Variants in KCNH1 observed in about 807,000 individuals in gnomAD.
The protein encoded by KCNH1 is potassium voltage-gated channel subfamily H member 1, also known as voltage-gated delayed rectifier potassium channel KCNH1.
A neutral mutation model predicts 69.2 loss-of-function variants in KCNH1; 27 were observed. The ratio of observed to expected loss-of-function variants is 0.39; its 90% confidence interval spans 0.29 to 0.54. The LOEUF is 0.54. Ranked by LOEUF, KCNH1 falls within the 20% of genes least tolerant of loss-of-function variation. The pLI is 0.68. For missense variants in KCNH1, 798 were observed against 1,261.6 expected (o/e 0.63, Z 5.57); for synonymous variants, 456 against 487.7 (o/e 0.93, Z 0.86).
chr1:211,071,545 TATGCAGTTATG>T lies in KCNH1; in HGVS notation c.558+11224_558+11234del, dbSNP rs148792085. ...GTAAAGTGTATACTTTAGTTCATGTTATGCAGTTATGATTTAATACTGCATCTTTACGTCTG... is the reference window on the plus strand; with the variant it reads ...GTAAAGTGTATACTTTAGTTCATGTTATTTAATACTGCATCTTTACGTCTG... On this transcript the variant is annotated intron_variant, in intron 5 of 10. Coordinates refer to ENST00000271751, the MANE Select transcript of KCNH1 (RefSeq NM_172362.3). Among the ~76,000 whole-genome samples the T allele has an allele frequency of 8.3e-3, 1,268 of 152,358 alleles. 13 individuals are homozygous for T. The highest frequency in any genetic ancestry group is 0.028 in the African/African-American group (1,180 of 41,586).
At chr1:210,960,743 C>T (rs761309083) in intron 6 of KCNH1, among the ~76,000 whole-genome samples, 2 of 152,114 alleles carry the variant, frequency 1.3e-5, no homozygotes, top group Non-Finnish European at 2.9e-5. Flanking sequence ...TATATAGTCA[C>T]ATGCTATATT....
chr1:210,935,037 A>G (rs1056017557), intron 6 of KCNH1, among the ~76,000 whole-genome samples: 5 of 151,596 alleles, frequency 3.3e-5, no homozygotes, highest in African/African-American at 4.8e-5. Flanking sequence ...AGCTGCACTC[A>G]TGTTTACTAT....
intron 10 of KCNH1, among the ~76,000 whole-genome samples, chr1:210,747,780 T>A (rs1369366367): frequency 6.6e-6 from 1 of 152,234 alleles, no homozygotes; most frequent in Admixed American, 6.5e-5. Flanking sequence ...TTTCATTAGT[T>A]CTAATTTGGC....
chr1:210,846,535 A>G (rs1200318031), intron 7 of KCNH1, among the ~76,000 whole-genome samples: 2 of 152,218 alleles, frequency 1.3e-5, no homozygotes, highest in Admixed American at 6.5e-5. Flanking sequence ...ATATGTAGAA[A>G]GCTGAAACTG....
chr1:210,910,009 C>T (rs945349881), intron 7 of KCNH1, among the ~76,000 whole-genome samples: 2 of 152,128 alleles, frequency 1.3e-5, no homozygotes, highest in South Asian at 4.1e-4. Context: ...AAATTTTCAT[C>T]AAATTGGCCT....
chr1:211,128,263 A>G (rs1342129868), intron 1 of KCNH1, among the ~76,000 whole-genome samples: 2 of 150,002 alleles, frequency 1.3e-5, no homozygotes. Flanking sequence ...CACTCCAGCG[A>G]CAAAGTGAGA....
chr1:211,024,942 G>A (rs1196648132), intron 5 of KCNH1, among the ~76,000 whole-genome samples: 1 of 152,116 alleles, frequency 6.6e-6, no homozygotes, highest in African/African-American at 2.4e-5. Context: ...AGCAAGAGAT[G>A]GTGACAGGAT....
chr1:210,910,490 G>A (rs908320865), intron 7 of KCNH1, among the ~76,000 whole-genome samples: 4 of 152,234 alleles, frequency 2.6e-5, no homozygotes, highest in Non-Finnish European at 5.9e-5. Context: ...TTGGCAACAA[G>A]GGGTTGTGGC....
At chr1:211,066,824 C>G (rs545379438) in intron 5 of KCNH1, among the ~76,000 whole-genome samples, 6 of 152,306 alleles carry the variant, frequency 3.9e-5, no homozygotes, top group Admixed American at 2.0e-4. Context: ...GAGGGGAAAA[C>G]TGCAGAACAT....
intron 10 of KCNH1, among the ~76,000 whole-genome samples, chr1:210,737,816 G>GACCAACCA (rs1477857070): frequency 6.6e-6 from 1 of 152,198 alleles, no homozygotes; most frequent in African/African-American, 2.4e-5. Context: ...TACCAACTTA[G>GACCAACCA]ACTAAGTCAC....
intron 7 of KCNH1, among the ~76,000 whole-genome samples, chr1:210,872,085 T>C (rs565610987): frequency 1.6e-5 from 2 of 125,112 alleles, no homozygotes; most frequent in South Asian, 4.9e-4. Context: ...AATATATACA[T>C]AATATGATCT....
chr1:211,084,475 C>T (rs1348790616), intron 4 of KCNH1, among the ~76,000 whole-genome samples: 1 of 152,182 alleles, frequency 6.6e-6, no homozygotes. Flanking sequence ...TGGTTCATCA[C>T]CTGATATAAC....
chr1:210,961,190 G>A (rs1688286061), intron 6 of KCNH1, among the ~76,000 whole-genome samples: 2 of 151,462 alleles, frequency 1.3e-5, no homozygotes, highest in South Asian at 4.1e-4. Flanking sequence ...TTGTCTTATT[G>A]AGTTTTAAGA....
At chr1:211,095,779 G>A (rs901988216) in intron 3 of KCNH1, among the ~76,000 whole-genome samples, 3 of 152,180 alleles carry the variant, frequency 2.0e-5, no homozygotes, top group Non-Finnish European at 4.4e-5. Flanking sequence ...CAATTGGTCT[G>A]GGGTCAACTT....
chr1:210,950,876 A>C (rs1417284469), intron 6 of KCNH1, among the ~76,000 whole-genome samples: 1 of 152,250 alleles, frequency 6.6e-6, no homozygotes, highest in Non-Finnish European at 1.5e-5. Flanking sequence ...CTCAAGTGCC[A>C]GGCCCAGCCC....
At chr1:210,868,688 C>T (rs1223920929) in intron 7 of KCNH1, among the ~76,000 whole-genome samples, 2 of 151,972 alleles carry the variant, frequency 1.3e-5, no homozygotes, top group Admixed American at 6.6e-5. Context: ...CTTCATTTCC[C>T]TTTTATAGTC....
chr1:210,945,806 A>G (rs1358977482), intron 6 of KCNH1, among the ~76,000 whole-genome samples: 1 of 152,162 alleles, frequency 6.6e-6, no homozygotes, highest in Non-Finnish European at 1.5e-5. Context: ...CACTCATCTC[A>G]TTGGAGTTGT....
At chr1:210,688,528 A>C (rs767097854) in intron 10 of KCNH1, among the ~76,000 whole-genome samples, 5 of 152,228 alleles carry the variant, frequency 3.3e-5, no homozygotes, top group Non-Finnish European at 7.3e-5. Context: ...AGAGAAAAAG[A>C]GATCACAGGT....
chr1:210,710,571 T>C (rs1682048279), intron 10 of KCNH1, among the ~76,000 whole-genome samples: 1 of 152,172 alleles, frequency 6.6e-6, no homozygotes, highest in Non-Finnish European at 1.5e-5. Flanking sequence ...TTCAGCTCCA[T>C]TATAATCTTA....
Sources: allele counts gnomAD v4.1 joint callset (sites outside exome capture counted in the v4.1 genomes callset), GRCh38; gene constraint gnomAD v4.1.1; transcripts MANE v1.5; gene names NCBI Gene and HGNC (gene_info 2026-07-23, HGNC 2026-07-21).